The following FNDC3B variants were observed in gnomAD, a reference collection of about 807,000 sequenced individuals.
FNDC3B encodes the protein fibronectin type III domain-containing protein 3B.
Under a neutral mutation model 151.5 loss-of-function variants are expected in FNDC3B, and 12 were observed. The observed-to-expected ratio is 0.08, with a 90% CI of 0.05 to 0.13. FNDC3B has a LOEUF of 0.13. FNDC3B is among the 10% of genes least tolerant of loss of function. The pLI is 1.00. For synonymous variants in FNDC3B, 528 were observed against 549.0 expected (o/e 0.96, Z 0.54); for missense variants, 1,214 against 1,505.3 (o/e 0.81, Z 3.20).
intron 6 of FNDC3B, among the ~76,000 whole-genome samples, chr3:172,252,812 G>A (rs1333021405): frequency 6.6e-6 from 1 of 152,208 alleles, no homozygotes; most frequent in Middle Eastern, 3.4e-3. Flanking sequence ...CAATTATCAC[G>A]TTATTCTTAT....
chr3:172,039,877 T>G (rs1042544005), intron 1 of FNDC3B, 106 bp downstream of exon 1: 15 of 152,282 alleles, frequency 9.9e-5, no homozygotes, highest in African/African-American at 3.6e-4. Flanking sequence ...TCCGCCAAAG[T>G]GCGTCCCTGT....
chr3:172,128,673 G>C (rs1576890694), intron 2 of FNDC3B, among the ~76,000 whole-genome samples: 2 of 152,288 alleles, frequency 1.3e-5, no homozygotes, highest in African/African-American at 4.8e-5. Context: ...AAGTTATTAG[G>C]TATTCCTGGC....
chr3:172,157,563 GCTA>G (rs1722555036), intron 3 of FNDC3B, among the ~76,000 whole-genome samples: 1 of 152,034 alleles, frequency 6.6e-6, no homozygotes, highest in Admixed American at 6.6e-5. Flanking sequence ...CTTTCTTCCT[GCTA>G]TCCCTAACTC....
rs529663661 is a variant in FNDC3B at position 172,155,369 on chromosome 3, T to A, written c.187+21823T>A. Among the ~76,000 whole-genome samples, 7 of 152,326 alleles carry A rather than the reference T, an allele frequency of 4.6e-5. No individual in the cohort carries two copies. The East Asian group carries it at 1.4e-3, about 29-fold the overall frequency. On this transcript the variant is annotated intron_variant, in intron 3 of 25. Transcript: ENST00000415807. The stretch of plus-strand genomic sequence containing the variant: ...TGAGTTTTGGTATATGGTGTAACCC[T>A]TAGTTCCTGGTGTGTCAGTTGTCTA...
chr3:172,362,476 G>T (rs1734415787), intron 22 of FNDC3B, among the ~76,000 whole-genome samples, 157 bp from the exon 23 acceptor site: 1 of 151,902 alleles, frequency 6.6e-6, no homozygotes, highest in South Asian at 2.1e-4. Flanking sequence ...GCAACCCCGT[G>T]CTTCTATTTG....
At chr3:172,232,117 G>A (rs1021971227) in intron 4 of FNDC3B, among the ~76,000 whole-genome samples, 4 of 152,074 alleles carry the variant, frequency 2.6e-5, no homozygotes, top group Admixed American at 6.6e-5. Context: ...CTGACTTCAA[G>A]TGATTCACCT....
chr3:172,179,441 A>C (rs947227185), intron 3 of FNDC3B, among the ~76,000 whole-genome samples: 1 of 152,198 alleles, frequency 6.6e-6, no homozygotes, highest in African/African-American at 2.4e-5. Flanking sequence ...TATTAAAAGC[A>C]AAACATTAAT....
chr3:172,095,202 T>A (rs553016633), intron 1 of FNDC3B, among the ~76,000 whole-genome samples: 11 of 152,298 alleles, frequency 7.2e-5, no homozygotes, highest in African/African-American at 2.6e-4. Flanking sequence ...CCTGGGATAA[T>A]TAGCTGAAGG....
intron 18 of FNDC3B, 50 bp downstream of exon 18, chr3:172,343,166 A>G (rs1429678078): frequency 7.4e-6 from 7 of 939,872 alleles, no homozygotes; most frequent in Non-Finnish European, 1.2e-5. Context: ...ACAATTGGAG[A>G]TGAAGACTTA....
intron 10 of FNDC3B, among the ~76,000 whole-genome samples, chr3:172,308,351 A>G (rs542247381): frequency 3.2e-4 from 48 of 152,232 alleles, no homozygotes; most frequent in Non-Finnish European, 6.0e-4. Flanking sequence ...ATTGTTATCA[A>G]TCTCTATAGC....
chr3:172,084,752 C>A (rs1312955786), intron 1 of FNDC3B, among the ~76,000 whole-genome samples: 2 of 152,112 alleles, frequency 1.3e-5, no homozygotes, highest in Non-Finnish European at 2.9e-5. Context: ...AAGATTTTGG[C>A]CCCAAATAAA....
chr3:172,104,220 G>A (rs983976106), intron 1 of FNDC3B, among the ~76,000 whole-genome samples: 1 of 152,022 alleles, frequency 6.6e-6, no homozygotes, highest in Admixed American at 6.6e-5. Context: ...TAAGCAATTG[G>A]TATTGAAGGG....
intron 1 of FNDC3B, among the ~76,000 whole-genome samples, chr3:172,047,723 A>G (rs993323055): frequency 1.3e-5 from 2 of 152,222 alleles, no homozygotes; most frequent in Non-Finnish European, 2.9e-5. Flanking sequence ...CTTGCAAAAT[A>G]CATCACAACA....
Position 172,042,569 on chromosome 3 carries a change from C to T in FNDC3B, c.-29+2798C>T, listed in dbSNP as rs1716140543. ...ATCTGATGTGTACTAAGCACTAATTCCTGTGCTTTTATACATTATCTCATT... is the reference window on the plus strand; with the variant it reads ...ATCTGATGTGTACTAAGCACTAATTTCTGTGCTTTTATACATTATCTCATT... On this transcript the variant is annotated intron_variant, in intron 1 of 25. Coordinates refer to ENST00000415807, the MANE Select transcript of FNDC3B (RefSeq NM_022763.4). Among the ~76,000 whole-genome samples the T allele has an allele frequency of 2.6e-5, 4 of 152,298 alleles. No homozygotes were observed. The South Asian group carries it at 8.3e-4, about 32-fold the overall frequency.
chr3:172,341,871 G>A (rs575286192), intron 17 of FNDC3B, among the ~76,000 whole-genome samples: 1 of 152,236 alleles, frequency 6.6e-6, no homozygotes, highest in Non-Finnish European at 1.5e-5. Flanking sequence ...TCTCATAGGC[G>A]CAAAACAACC....
At chr3:172,275,314 T>C (rs183828288) in intron 6 of FNDC3B, among the ~76,000 whole-genome samples, 71 of 152,250 alleles carry the variant, frequency 4.7e-4, no homozygotes, top group African/African-American at 1.7e-3. Context: ...GGGGGAAATA[T>C]ACATGCAGAA....
chr3:172,362,875 C>T (rs1397904094), intron 23 of FNDC3B, 30 bp downstream of exon 23: 1 of 1,536,516 alleles, frequency 6.5e-7, no homozygotes, highest in Non-Finnish European at 9.0e-7. Context: ...GCTCCTGAAG[C>T]TTCTGTAGCT....
At position 172,087,600 on chromosome 3, in the gene FNDC3B, A is replaced by AGG. The variant is rs573054652; in HGVS notation, c.-28-24851_-28-24850insGG. ...ACCTCTGAAAAATAAGGGATGGAAT[A>AGG]GATAATCTCAGAGGTGCTGCTGATT... On this transcript the variant is annotated intron_variant, in intron 1 of 25. Coordinates refer to ENST00000415807, the MANE Select transcript of FNDC3B (RefSeq NM_022763.4). 6.6e-3 allele frequency among the ~76,000 whole-genome samples: 1,003 copies of AGG among 152,320 alleles called. 14 individuals are homozygous for AGG. The highest frequency in any genetic ancestry group is 0.022 in the African/African-American group (909 of 41,566).
intron 1 of FNDC3B, among the ~76,000 whole-genome samples, chr3:172,104,037 A>G (rs1296068096): frequency 2.6e-5 from 4 of 152,244 alleles, no homozygotes; most frequent in Admixed American, 6.5e-5. Context: ...GCATAAAAAC[A>G]CAGTGATTAT....
Sources: gnomAD v4.1 joint callset for allele counts (sites outside exome capture counted in the v4.1 genomes callset) on GRCh38, gnomAD v4.1.1 for gene constraint, MANE v1.5 for transcripts, NCBI Gene and HGNC (gene_info 2026-07-23, HGNC 2026-07-21) for gene names.